CUX1: variants seen among roughly 807,000 people sequenced by gnomAD.
CUX1 encodes cut like homeobox 1, also known as protein CASP.
CUX1 carries 31 observed loss-of-function variants against 158.8 expected under a neutral mutation model. The ratio of observed to expected loss-of-function variants is 0.20; its 90% CI spans 0.15 to 0.26. CUX1 has a LOEUF of 0.26. Among genes scored for constraint, CUX1 ranks in the 10% least tolerant of loss-of-function variants. CUX1 has a pLI of 1.00. For missense variants in CUX1, 1,589 were observed against 2,014.6 expected (o/e 0.79, Z 4.04); for synonymous variants, 879 against 862.1 (o/e 1.02, Z -0.34).
At chr7:102,163,833 C>T (rs1169580969) in intron 9 of CUX1, among the ~76,000 whole-genome samples, 2 of 152,196 alleles carry the variant, frequency 1.3e-5, no homozygotes, top group Non-Finnish European at 2.9e-5. Context: ...AATTTACTAG[C>T]TCACTGGCAT....
upstream of CUX1, chr7:101,817,277 C>T: frequency 1.0e-6 from 1 of 984,996 alleles, no homozygotes; most frequent in Non-Finnish European, 1.2e-6. This position sits in a 1 kb window ranked among gnomAD's most constrained non-coding sequence, Gnocchi z 4.1. Context: ...CCCCGGTGAC[C>T]TGCGGCGCCG....
At chr7:102,103,748 C>CT (rs35709807) in intron 5 of CUX1, among the ~76,000 whole-genome samples, 149 of 145,332 alleles carry the variant, frequency 1.0e-3, no homozygotes, top group East Asian at 6.0e-3. Flanking sequence ...AGACTTTCAT[C>CT]TTTTTTTTTT....
At chr7:101,876,347 A>C (rs971673397) in intron 1 of CUX1, among the ~76,000 whole-genome samples, 3 of 151,398 alleles carry the variant, frequency 2.0e-5, no homozygotes, top group Non-Finnish European at 2.9e-5. Flanking sequence ...AAAAACAAAA[A>C]AAAAACCTGA....
intron 2 of CUX1, among the ~76,000 whole-genome samples, chr7:101,944,350 C>T (rs1340216066): frequency 5.3e-5 from 8 of 152,218 alleles, no homozygotes; most frequent in Non-Finnish European, 1.2e-4. Context: ...GGCGTTGATA[C>T]ATTTATAGGC....
intron 2 of CUX1, among the ~76,000 whole-genome samples, chr7:101,955,591 G>A (rs906898022): frequency 6.6e-6 from 1 of 152,126 alleles, no homozygotes; most frequent in Non-Finnish European, 1.5e-5. Context: ...CGCACAGCTG[G>A]GGCCCCTCTC....
chr7:102,273,465 T>C (rs1554546813), exon 15 of CUX1: 1 of 1,613,224 alleles, frequency 6.2e-7, no homozygotes, highest in South Asian at 1.1e-5. Context: ...CTGAGCATCA[T>C]TCAGTCCATC....
intron 3 of CUX1, among the ~76,000 whole-genome samples, chr7:102,045,962 T>G (rs1822732885): frequency 6.6e-6 from 1 of 152,172 alleles, no homozygotes; most frequent in Non-Finnish European, 1.5e-5. Context: ...TGCATGGGGT[T>G]TCTGAATCTC....
intron 14 of CUX1, 142 bp from the exon 15 acceptor site, chr7:102,196,492 C>G: frequency 1.5e-6 from 1 of 687,374 alleles, no homozygotes; most frequent in African/African-American, 1.8e-5. Flanking sequence ...ACAAACCAAC[C>G]CACCTCATTG....
chr7:101,973,124 C>G (rs143194325), intron 2 of CUX1, among the ~76,000 whole-genome samples: 2,066 of 152,268 alleles, frequency 0.014, 42 homozygotes, highest in African/African-American at 0.045. Flanking sequence ...TATCCTTGCC[C>G]AGGTACCGGT....
intron 8 of CUX1, among the ~76,000 whole-genome samples, chr7:102,145,933 C>T (rs1279277559): frequency 6.6e-6 from 1 of 152,052 alleles, no homozygotes; most frequent in Non-Finnish European, 1.5e-5. Flanking sequence ...GGCAGTAGAG[C>T]AAGACTCCAT....
chr7:101,826,108 A>G (rs934111054), intron 1 of CUX1, among the ~76,000 whole-genome samples: 3 of 151,914 alleles, frequency 2.0e-5, no homozygotes, highest in African/African-American at 7.3e-5. Context: ...TCCCAGCTAG[A>G]ATGACTCCAG....
At chr7:102,104,272 T>C in intron 5 of CUX1, 64 bp from the exon 6 acceptor site, 3 of 1,496,962 alleles carry the variant, frequency 2.0e-6, no homozygotes, top group Non-Finnish European at 2.7e-6. Flanking sequence ...GAGAGCCTTG[T>C]ACCTACAGCC....
intron 1 of CUX1, among the ~76,000 whole-genome samples, chr7:101,848,385 T>G (rs1795931492): frequency 6.6e-6 from 1 of 152,186 alleles, no homozygotes; most frequent in Non-Finnish European, 1.5e-5. Flanking sequence ...ATGAAACATG[T>G]GAGTCACACA....
chr7:102,049,565 C>T (rs183632861), intron 3 of CUX1, among the ~76,000 whole-genome samples: 24 of 152,092 alleles, frequency 1.6e-4, no homozygotes, highest in South Asian at 4.2e-4. Flanking sequence ...CAGTTGGATG[C>T]GGTGGCTCAC....
intron 1 of CUX1, among the ~76,000 whole-genome samples, chr7:101,839,053 A>G (rs1250197645): frequency 1.3e-5 from 2 of 152,184 alleles, no homozygotes; most frequent in Non-Finnish European, 2.9e-5. Context: ...CAGGCAGGCA[A>G]GCCAGCTCTC....
chr7:102,251,537 G>C lies in CUX1; in HGVS notation c.*2495G>C, dbSNP rs1292789525. 2 of 985,270 alleles carry C rather than the reference G, an allele frequency of 2.0e-6. No individual in the cohort carries two copies. Among genetic ancestry groups the C allele is most frequent in the South Asian group, 4.7e-5 (1 of 21,286 alleles). 61.0% of individuals were successfully genotyped at this position (985,270 alleles called of 1,614,324 possible). A position where few individuals can be genotyped will look rare whatever the true frequency, so the allele number is the denominator to read the frequency against. ...CAGGCTGTTCGTTTGTCTTTTGTTG[G>C]GGGTATCATTTCTGAACTTGAAATC... On this transcript the variant is annotated 3_prime_UTR_variant, in exon 24 of 24. Coordinates refer to ENST00000292535, the MANE Select transcript of CUX1 (RefSeq NM_181552.4).
intron 7 of CUX1, among the ~76,000 whole-genome samples, chr7:102,114,122 A>G (rs1831212439): frequency 6.6e-6 from 1 of 152,330 alleles, no homozygotes; most frequent in South Asian, 2.1e-4. Context: ...AAGGACTCCC[A>G]TACCATACTG....
intron 8 of CUX1, among the ~76,000 whole-genome samples, chr7:102,121,578 T>G (rs1317533004): frequency 2.0e-5 from 3 of 152,176 alleles, no homozygotes; most frequent in Non-Finnish European, 4.4e-5. Flanking sequence ...ACTCCCAGAC[T>G]CAAGTGATCT....
Position 102,201,712 on chromosome 7 carries a change from G to C in CUX1, c.2415G>C (p.Gly805=). 6.2e-7 allele frequency: 1 copy of C among 1,612,656 alleles called. No individual in the cohort carries two copies. The stretch of plus-strand genomic sequence containing the variant: ...AGGGAGCAGCCGATTGTGCACAAGG[G>C]GTCCTGAGACAGGTGAAAAATGAGG... The part of the protein sequence containing the change: ...DPQGAADCAQ[G]VLRQVKNEVG... The change falls in exon 18 of 24, where the codon GGG becomes GGC. Residue 805 remains glycine (G), a synonymous_variant. Coordinates refer to ENST00000292535, the MANE Select transcript of CUX1 (RefSeq NM_181552.4). This position sits in a 1 kb window ranked among gnomAD's most constrained non-coding sequence, Gnocchi z 5.0.
Sources: allele counts gnomAD v4.1 joint callset (sites outside exome capture counted in the v4.1 genomes callset), GRCh38; gene constraint gnomAD v4.1.1; non-coding constraint Gnocchi (gnomAD v3.1); transcripts MANE v1.5; gene names NCBI Gene and HGNC (gene_info 2026-07-23, HGNC 2026-07-21).